HSD17B12: variants seen among roughly 807,000 people sequenced by gnomAD.
HSD17B12 encodes the protein very-long-chain 3-oxoacyl-CoA reductase.
A neutral mutation model predicts 39.3 loss-of-function variants in HSD17B12; 32 were observed. That is an observed-to-expected ratio of 0.81 (90% CI 0.61 to 1.09). The LOEUF (loss-of-function observed/expected upper bound fraction) is 1.09, where lower values mean the gene tolerates loss of function less well. Among genes scored for constraint, HSD17B12 ranks in the 50% least tolerant of loss-of-function variants. The probability of loss-of-function intolerance (pLI) is 0.00; values close to 1 mark genes in which losing one functional copy is unlikely to be tolerated. For synonymous variants in HSD17B12, 150 were observed against 146.7 expected (o/e 1.02, Z -0.16); for missense variants, 342 against 382.9 (o/e 0.89, Z 0.89).
chr11:43,777,265 A>G (rs1950715937), intron 3 of HSD17B12, among the ~76,000 whole-genome samples: 1 of 152,052 alleles, frequency 6.6e-6, no homozygotes, highest in South Asian at 2.1e-4. Flanking sequence ...ATTTGTTTGT[A>G]TCCTCTTTTA....
intron 2 of HSD17B12, among the ~76,000 whole-genome samples, chr11:43,752,407 TGG>T (rs1950473097): frequency 6.6e-6 from 1 of 152,110 alleles, no homozygotes; most frequent in African/African-American, 2.4e-5. Context: ...GTTATTACCA[TGG>T]TGGTTAAAAA....
intron 6 of HSD17B12, among the ~76,000 whole-genome samples, chr11:43,827,870 G>C (rs963541219): frequency 6.6e-6 from 1 of 152,076 alleles, no homozygotes; most frequent in African/African-American, 2.4e-5. Context: ...AAATTTAGCT[G>C]TCATCAAGAC....
chr11:43,815,504 A>G lies in HSD17B12; in HGVS notation c.456+3A>G, dbSNP rs746956327. On this transcript the variant is annotated splice_donor_region_variant and intron_variant, in intron 5 of 10. Coordinates refer to ENST00000278353, the MANE Select transcript of HSD17B12 (RefSeq NM_016142.3). ...TGGATGTTCCTGACTTGGACAATGT[A>G]AGTCTTTCTTTGTGTATTATGGTAA... 1.9e-5 allele frequency: 29 copies of G among 1,546,444 alleles called. No individual in the cohort carries two copies. Among genetic ancestry groups the G allele is most frequent in the Non-Finnish European group, 2.5e-5 (28 of 1,129,464 alleles).
the HSD17B12 span, among the ~76,000 whole-genome samples, chr11:43,641,997 T>C: frequency 2.6e-5 from 4 of 151,938 alleles, no homozygotes; most frequent in East Asian, 7.7e-4. Context: ...GGAAAAGAAA[T>C]AGATTGCAAT....
chr11:43,642,295 T>G, the HSD17B12 span, among the ~76,000 whole-genome samples: 2 of 151,708 alleles, frequency 1.3e-5, no homozygotes, highest in African/African-American at 4.8e-5. Flanking sequence ...AAGACCTACT[T>G]AAATTACTTA....
chr11:43,750,817 A>T, intron 1 of HSD17B12, 94 bp from the exon 2 acceptor site: 1 of 786,444 alleles, frequency 1.3e-6, no homozygotes, highest in Non-Finnish European at 2.1e-6. Context: ...AAAGTGTCAC[A>T]CTGGTCCTTT....
At chr11:43,597,991 T>A in the HSD17B12 span, among the ~76,000 whole-genome samples, 1 of 152,106 alleles carries the variant, frequency 6.6e-6, no homozygotes, top group Non-Finnish European at 1.5e-5. Context: ...GTTGTGACAG[T>A]GCTTGATAGA....
the HSD17B12 span, among the ~76,000 whole-genome samples, chr11:43,613,511 T>C: frequency 6.6e-6 from 1 of 151,976 alleles, no homozygotes; most frequent in Admixed American, 6.6e-5. Context: ...TAGTGGAAGA[T>C]GGATTGAAGA....
intron 3 of HSD17B12, among the ~76,000 whole-genome samples, chr11:43,773,155 G>T (rs929158861): frequency 4.6e-5 from 7 of 152,096 alleles, no homozygotes; most frequent in Non-Finnish European, 1.0e-4. Flanking sequence ...AAAATGTTCA[G>T]AAATTTCTTG....
At chr11:43,611,615 A>T in the HSD17B12 span, among the ~76,000 whole-genome samples, 1 of 152,238 alleles carries the variant, frequency 6.6e-6, no homozygotes, top group African/African-American at 2.4e-5. Flanking sequence ...CTAGCTTAGC[A>T]AGTATATAGA....
rs11037619 is a variant in HSD17B12, at chr11:43,771,508, C to T, written c.283+17387C>T. 4.8e-3 allele frequency among the ~76,000 whole-genome samples: 685 copies of T among 143,154 alleles called. 5 individuals are homozygous for T. Among genetic ancestry groups the T allele is most frequent in the East Asian group, 0.04 (197 of 4,866 alleles). The allele number at this position is 143,154 out of a possible 152,430, so 93.9% of individuals were successfully genotyped here. ...TTGAGACAGAGTATCGCTCTGTCACCTAGGCTGGAGTGCAGTGGGGCAATC... is the reference window on the plus strand; with the variant it reads ...TTGAGACAGAGTATCGCTCTGTCACTTAGGCTGGAGTGCAGTGGGGCAATC... On this transcript the variant is annotated intron_variant, in intron 3 of 10. Transcript: ENST00000278353.
chr11:43,726,123 C>T lies in HSD17B12; in HGVS notation c.161-24788C>T, dbSNP rs922472047. Among the ~76,000 whole-genome samples, 100 of 152,096 alleles carry T rather than the reference C, an allele frequency of 6.6e-4. 1 individual carries two copies. Among genetic ancestry groups the T allele is most frequent in the African/African-American group, 2.1e-3 (89 of 41,402 alleles). The stretch of plus-strand genomic sequence containing the variant: ...AATAAAAGCATATGGCTGACACTTA[C>T]GTAATGCTAATTAGGTATCACACTA... On this transcript the variant is annotated intron_variant, in intron 1 of 10. Transcript: ENST00000278353.
intron 7 of HSD17B12, among the ~76,000 whole-genome samples, chr11:43,835,900 G>A (rs907084418): frequency 2.6e-5 from 4 of 152,072 alleles, no homozygotes; most frequent in Non-Finnish European, 5.9e-5. Context: ...GATCTGTATT[G>A]TATTTTAATA....
chr11:43,575,365 C>T, the HSD17B12 span, among the ~76,000 whole-genome samples: 11 of 152,388 alleles, frequency 7.2e-5, no homozygotes, highest in South Asian at 2.3e-3. The surrounding 1 kb of genome is among the most constrained non-coding windows in gnomAD (Gnocchi z 4.1). Context: ...CCGGGGCTAT[C>T]TGCCCGACAA....
chr11:43,697,619 T>C (rs948553111), intron 1 of HSD17B12, among the ~76,000 whole-genome samples: 15 of 152,200 alleles, frequency 9.9e-5, no homozygotes, highest in Non-Finnish European at 1.9e-4. Context: ...ATTTCCTCTC[T>C]TAGCCACTAT....
chr11:43,781,223 G>T (rs1004420474), intron 3 of HSD17B12, among the ~76,000 whole-genome samples: 4 of 152,040 alleles, frequency 2.6e-5, no homozygotes, highest in Admixed American at 6.6e-5. Context: ...TTCTTCCTTT[G>T]ATCTGTGCCC....
the HSD17B12 span, among the ~76,000 whole-genome samples, chr11:43,655,374 T>C: frequency 0.019 from 2,878 of 152,310 alleles, 42 homozygotes; most frequent in Middle Eastern, 0.089. Flanking sequence ...GACTTCCTCT[T>C]TTCCTAATTG....
intron 3 of HSD17B12, among the ~76,000 whole-genome samples, chr11:43,777,467 A>G (rs1950717989): frequency 6.6e-6 from 1 of 152,196 alleles, no homozygotes; most frequent in Non-Finnish European, 1.5e-5. Flanking sequence ...GTATCCTGAG[A>G]CTTTGCTGAA....
At chr11:43,697,298 G>C (rs1741363804) in intron 1 of HSD17B12, among the ~76,000 whole-genome samples, 2 of 152,172 alleles carry the variant, frequency 1.3e-5, no homozygotes, top group South Asian at 4.1e-4. Flanking sequence ...CACTAACCTG[G>C]TTCAGGGGCT....
Sources: allele counts gnomAD v4.1 joint callset (sites outside exome capture counted in the v4.1 genomes callset), GRCh38; gene constraint gnomAD v4.1.1; non-coding constraint Gnocchi (gnomAD v3.1); transcripts MANE v1.5; gene names NCBI Gene and HGNC (gene_info 2026-07-23, HGNC 2026-07-21).